GPAM: variants seen among roughly 807,000 people sequenced by gnomAD.
GPAM encodes the protein glycerol-3-phosphate acyltransferase 1, mitochondrial.
A neutral mutation model predicts 105.0 loss-of-function variants in GPAM; 56 were observed. The observed-to-expected ratio is 0.53, with a 90% CI of 0.43 to 0.67. The LOEUF is 0.67. Ranked by LOEUF, GPAM falls within the 30% of genes least tolerant of loss-of-function variation. GPAM has a pLI of 0.00. For missense variants in GPAM, 855 were observed against 989.8 expected (o/e 0.86, Z 1.83); for synonymous variants, 368 against 354.4 (o/e 1.04, Z -0.43).
intron 1 of GPAM, among the ~76,000 whole-genome samples, chr10:112,198,390 C>A (rs1847750465): frequency 6.6e-6 from 1 of 152,230 alleles, no homozygotes; most frequent in African/African-American, 2.4e-5. Flanking sequence ...AACTATACTA[C>A]TGATTGAGTC....
chr10:112,153,959 A>G (rs1006344086), intron 21 of GPAM: 12 of 352,544 alleles, frequency 3.4e-5, no homozygotes, highest in Non-Finnish European at 4.8e-5. Flanking sequence ...AATGACTTAG[A>G]ATAAAGTCAC....
chr10:112,175,575 C>A, intron 6 of GPAM, 25 bp downstream of exon 6: 2 of 1,260,622 alleles, frequency 1.6e-6, no homozygotes, highest in Non-Finnish European at 1.2e-6. Context: ...CCTCTTCCCA[C>A]CTTTACACCT....
intron 1 of GPAM, among the ~76,000 whole-genome samples, chr10:112,207,417 A>G (rs1463525473): frequency 6.6e-6 from 1 of 152,142 alleles, no homozygotes; most frequent in Non-Finnish European, 1.5e-5. Context: ...ATCTTCTACA[A>G]TGTTCTTGCC....
At chr10:112,177,627 CTTTT>C (rs1270262111) in intron 5 of GPAM, among the ~76,000 whole-genome samples, 1 of 152,160 alleles carries the variant, frequency 6.6e-6, no homozygotes, top group Non-Finnish European at 1.5e-5. Context: ...ATAATTTATA[CTTTT>C]TTTAAGTATT....
At chr10:112,190,778 C>T (rs1014942173) in intron 1 of GPAM, among the ~76,000 whole-genome samples, 2 of 152,134 alleles carry the variant, frequency 1.3e-5, no homozygotes, top group South Asian at 4.1e-4. Flanking sequence ...AATCATACTT[C>T]AGAACTGAAT....
upstream of GPAM, among the ~76,000 whole-genome samples, chr10:112,217,279 CA>C (rs1396933082): frequency 3.3e-5 from 5 of 152,124 alleles, no homozygotes; most frequent in Non-Finnish European, 7.4e-5. Context: ...GTGACCTTTG[CA>C]GCTGTTTTTT....
At position 112,168,900 on chromosome 10, in the gene GPAM, T is replaced by C; in HGVS notation, c.847A>G (p.Thr283Ala). ...AGAACATCTTTCCGTCCATCTGGTGTTTCATCGAGCCTTCGTCGTATGAAG... is the reference window on the plus strand; with the variant it reads ...AGAACATCTTTCCGTCCATCTGGTGCTTCATCGAGCCTTCGTCGTATGAAG... Reference protein sequence around the residue: ...GFFIRRRLDETPDGRKDVLYR... With the variant: ...GFFIRRRLDEAPDGRKDVLYR... Residue 283 changes from threonine (T) to alanine (A), a missense_variant, in exon 10 of 22, where the codon ACA becomes GCA. Thr to Ala is a moderately conservative substitution (Grantham distance 58). Coordinates refer to ENST00000348367, the MANE Select transcript of GPAM (RefSeq NM_001244949.2). The C allele has an allele frequency of 6.2e-7, 1 of 1,612,786 alleles. No homozygotes were observed. The highest frequency in any genetic ancestry group is 2.2e-5 in the East Asian group (1 of 44,874).
Position 112,168,495 on chromosome 10 carries a change from T to C in GPAM, c.924A>G (p.Gln308=), listed in dbSNP as rs375571434. The change falls in exon 11 of 22, where the codon CAA becomes CAG. Residue 308 remains glutamine, a synonymous_variant. Transcript: ENST00000348367. ...GHIVELLRQQ[Q]FLEIFLEGTR... ...TGCCTTCCAGGAAGATCTCCAAGAATTGCTGCTGTCGAAGTAATTCAACTA... is the reference window on the plus strand; with the variant it reads ...TGCCTTCCAGGAAGATCTCCAAGAACTGCTGCTGTCGAAGTAATTCAACTA... 5.5e-5 allele frequency: 88 copies of C among 1,611,714 alleles called. No individual in the cohort carries two copies. The South Asian group carries it at 6.7e-4, about 12-fold the overall frequency.
At chr10:112,179,670 C>T (rs1385357333) in intron 4 of GPAM, among the ~76,000 whole-genome samples, 1 of 152,166 alleles carries the variant, frequency 6.6e-6, no homozygotes, top group Non-Finnish European at 1.5e-5. Flanking sequence ...ATTCACACAG[C>T]ACAATTACCT....
At chr10:112,192,775 G>A (rs927196008) in intron 1 of GPAM, among the ~76,000 whole-genome samples, 6 of 152,228 alleles carry the variant, frequency 3.9e-5, no homozygotes, top group African/African-American at 1.4e-4. Context: ...ATGTCATGGA[G>A]GTATGTGAAT....
At chr10:112,200,255 A>G (rs1326919846) in intron 1 of GPAM, among the ~76,000 whole-genome samples, 11 of 148,044 alleles carry the variant, frequency 7.4e-5, no homozygotes, top group Non-Finnish European at 1.2e-4. Flanking sequence ...AGAGAGAGAG[A>G]GAGAGAGAGA....
chr10:112,158,364 AT>A lies in GPAM; in HGVS notation c.1931del (p.His644LeufsTer4). Reference sequence around the variant, plus strand: ...ACTGGATAAACTTTCCTACTGTTTCATGGCAGACTTGGTAAAATGTCTGGCA... The same window carrying A: ...ACTGGATAAACTTTCCTACTGTTTCAGGCAGACTTGGTAAAATGTCTGGCA... Reference protein sequence around the residue: ...LPCQTFYQVCHETVGKFIQYG... With the variant: ...LPCQTFYQVCXETVGKFIQYG... On this transcript the variant is annotated frameshift_variant, in exon 18 of 22. Coordinates refer to ENST00000348367, the MANE Select transcript of GPAM (RefSeq NM_001244949.2). LOFTEE classifies it high-confidence loss of function. 6.2e-7 allele frequency: 1 copy of A among 1,605,916 alleles called. No individual in the cohort carries two copies. The highest frequency in any genetic ancestry group is 1.1e-5 in the South Asian group (1 of 90,942).
At chr10:112,212,230 A>G (rs184307613) in intron 1 of GPAM, among the ~76,000 whole-genome samples, 1 of 152,244 alleles carries the variant, frequency 6.6e-6, no homozygotes, top group Non-Finnish European at 1.5e-5. Context: ...TGACAGGAAT[A>G]TTATTAGGTT....
Position 112,168,332 on chromosome 10 carries a change from G to A in GPAM, c.1087C>T (p.His363Tyr), listed in dbSNP as rs1221603150. 1.9e-6 allele frequency: 3 copies of A among 1,597,108 alleles called. No individual in the cohort carries two copies. In the South Asian group the frequency reaches 3.3e-5, roughly 18 times the overall value. ...CTTACCAGTTGTTCACCATTGTAGT[G>A]ACCTTCGATAATGCGATCATAGGAG... ...GISYDRIIEGHYNGEQLGKPK... is the reference protein window; with the variant it reads ...GISYDRIIEGYYNGEQLGKPK... The change falls in exon 11 of 22, where the codon CAC becomes TAC. Residue 363 changes from histidine to tyrosine, a missense_variant. Physicochemically the swap from His to Tyr is moderately conservative, Grantham distance 83. Transcript: ENST00000348367.
At chr10:112,205,017 C>G (rs1847843406) in intron 1 of GPAM, among the ~76,000 whole-genome samples, 1 of 29,820 alleles carries the variant, frequency 3.4e-5, no homozygotes, top group South Asian at 1.2e-3. Flanking sequence ...TTCTTATACA[C>G]CAACAACAGA....
Position 112,175,644 on chromosome 10 carries a change from G to A in GPAM, c.369C>T (p.Gly123=), listed in dbSNP as rs1847388995. The A allele has an allele frequency of 1.9e-6, 3 of 1,612,304 alleles. No homozygotes were observed. The East Asian group carries it at 6.7e-5, about 36-fold the overall frequency. ...LFIQERDVHK[G]MFATNVTENV... is the part of the protein sequence containing the mutation. ...TTTCAGTCACATTGGTGGCAAACAT[G>A]CCCTTATGCACATCTCGCTCTTGAA... The change falls in exon 6 of 22, where the codon GGC becomes GGT. Residue 123 remains glycine, a synonymous_variant. Transcript: ENST00000348367.
At position 112,212,815 on chromosome 10, in the gene GPAM, G is replaced by A. The variant is rs533914885; in HGVS notation, n.210+2353C>T. Among the ~76,000 whole-genome samples the A allele has an allele frequency of 1.2e-4, 18 of 152,316 alleles. 1 individual carries two copies. The South Asian group carries it at 3.7e-3, about 32-fold the overall frequency. ...TAAGGAGGAAATATGAGATCAGCCA[G>A]GGCAAAGCACTCAGCACAGTGCCTG... On this transcript the variant is annotated intron_variant and non_coding_transcript_variant, in intron 1 of 3. Transcript: ENST00000480130.
At chr10:112,207,146 AT>A (rs1346630676) in intron 1 of GPAM, among the ~76,000 whole-genome samples, 1 of 152,258 alleles carries the variant, frequency 6.6e-6, no homozygotes, top group Non-Finnish European at 1.5e-5. Flanking sequence ...CTGGAGATAT[AT>A]TTAGTTGTCA....
At chr10:112,220,834 G>T in the GPAM span, among the ~76,000 whole-genome samples, 1 of 148,826 alleles carries the variant, frequency 6.7e-6, no homozygotes, top group South Asian at 2.1e-4. Context: ...GATCTGCACT[G>T]CCAAGGACAG....
Sources: gnomAD v4.1 joint callset for allele counts (sites outside exome capture counted in the v4.1 genomes callset) on GRCh38, gnomAD v4.1.1 for gene constraint, MANE v1.5 for transcripts, NCBI Gene and HGNC (gene_info 2026-07-23, HGNC 2026-07-21) for gene names.